The following DACH2 variants were observed in gnomAD, a reference collection of about 807,000 sequenced individuals.
DACH2 encodes dachshund family transcription factor 2.
In DACH2, 17 loss-of-function variants were observed where a neutral mutation model predicts 35.8. The ratio of observed to expected loss-of-function variants is 0.48; its 90% confidence interval spans 0.33 to 0.71. The LOEUF is 0.71. DACH2 is among the 30% of genes least tolerant of loss of function. The pLI is 0.02. For missense variants in DACH2, 469 were observed against 472.7 expected (o/e 0.99, Z 0.07); for synonymous variants, 195 against 177.3 (o/e 1.10, Z -0.79).
intron 7 of DACH2, among the ~76,000 whole-genome samples, chrX:86,741,980 G>GA (rs1299180452): frequency 9.1e-6 from 1 of 110,091 alleles, no homozygotes; most frequent in African/African-American, 3.3e-5. Flanking sequence ...ATAATATATA[G>GA]AAAAAAATAT....
intron 1 of DACH2, among the ~76,000 whole-genome samples, chrX:86,314,451 G>A (rs1008315882): frequency 4.5e-5 from 5 of 110,725 alleles, no homozygotes; most frequent in Non-Finnish European, 7.6e-5. Context: ...CCAGGGGGTC[G>A]AGGCTGCAGT....
chrX:86,150,745 A>G (rs990059733), intron 1 of DACH2, among the ~76,000 whole-genome samples: 5 of 112,152 alleles, frequency 4.5e-5, no homozygotes, highest in Admixed American at 1.9e-4. Flanking sequence ...TATTTCGACT[A>G]CAAAGCATTT....
intron 2 of DACH2, among the ~76,000 whole-genome samples, chrX:86,424,190 C>T (rs968012040): frequency 6.4e-5 from 7 of 110,027 alleles, no homozygotes; most frequent in South Asian, 3.8e-4. Context: ...ATTCTACATA[C>T]GTTTTAGGAT....
At chrX:86,355,017 G>T (rs146980782) in intron 1 of DACH2, among the ~76,000 whole-genome samples, 237 of 111,706 alleles carry the variant, frequency 2.1e-3, no homozygotes, top group African/African-American at 7.4e-3. Flanking sequence ...TGTCACCTAG[G>T]TAATAAGCAT....
chrX:86,372,110 G>A (rs2035895299), intron 1 of DACH2, among the ~76,000 whole-genome samples: 1 of 110,867 alleles, frequency 9.0e-6, no homozygotes, highest in Non-Finnish European at 1.9e-5. Flanking sequence ...TAAATATATA[G>A]CTTCTACTCT....
chrX:86,801,718 A>G (rs1328048948), intron 7 of DACH2, among the ~76,000 whole-genome samples: 2 of 112,120 alleles, frequency 1.8e-5, no homozygotes, highest in Admixed American at 9.4e-5. Context: ...GTTTTCCATG[A>G]TAGAGTCATT....
intron 1 of DACH2, among the ~76,000 whole-genome samples, chrX:86,168,271 C>A (rs1365927431): frequency 4.5e-5 from 5 of 111,572 alleles, no homozygotes. Flanking sequence ...GAATTGACCC[C>A]TTTATCATTA....
At position 86,374,451 on chromosome X, in the gene DACH2, T is replaced by C. The variant is rs985200079; in HGVS notation, c.489-2373T>C. Among the ~76,000 whole-genome samples, 25 of 110,994 alleles carry C rather than the reference T, an allele frequency of 2.3e-4. No homozygotes were observed. In the Admixed American group the frequency reaches 2.3e-3, roughly 10 times the overall value. ...AGTAAGGTTAATCAATGTCCTAATG[T>C]GGTACAATCATGATGATGATTGGAA... On this transcript the variant is annotated intron_variant, in intron 1 of 11. Transcript: ENST00000373125.
chrX:86,751,289 G>C (rs113713449), intron 7 of DACH2, among the ~76,000 whole-genome samples: 1 of 110,541 alleles, frequency 9.0e-6, no homozygotes, highest in African/African-American at 3.3e-5. Flanking sequence ...GATAGAGTAG[G>C]CGTCATCCAC....
chrX:86,395,733 C>T (rs1368094017), intron 2 of DACH2, among the ~76,000 whole-genome samples: 1 of 112,014 alleles, frequency 8.9e-6, no homozygotes, highest in Non-Finnish European at 1.9e-5. Context: ...CTTTTTATGG[C>T]TGCATAGTAT....
chrX:86,498,140 C>T (rs2038198892), intron 2 of DACH2, among the ~76,000 whole-genome samples: 1 of 111,843 alleles, frequency 8.9e-6, no homozygotes, highest in South Asian at 3.7e-4. Context: ...ATTCAGTATT[C>T]ACTCACTGAC....
At chrX:86,425,700 T>C (rs754091614) in intron 2 of DACH2, among the ~76,000 whole-genome samples, 3 of 111,042 alleles carry the variant, frequency 2.7e-5, no homozygotes, top group Non-Finnish European at 5.7e-5. Context: ...ACCTTTATTA[T>C]ATTTAAGGGT....
chrX:86,607,305 C>T (rs548801399), intron 3 of DACH2, among the ~76,000 whole-genome samples: 1 of 111,324 alleles, frequency 9.0e-6, no homozygotes, highest in Middle Eastern at 4.7e-3. Context: ...AGGTAATTCT[C>T]TCTGGCAACA....
chrX:86,651,102 C>T lies in DACH2; in HGVS notation c.707C>T (p.Thr236Ile), dbSNP rs1357618031. Residue 236 changes from threonine to isoleucine, a missense_variant, in exon 4 of 12, where the codon ACT (threonine) becomes ATT (isoleucine). Around this residue, in one of 3 missense-constraint regions of DACH2, gnomAD observed 363 missense variants for 334.4 expected, o/e 1.09. Transcript: ENST00000373125. The stretch of plus-strand genomic sequence containing the variant: ...AAGATGAAGCTTATGGCTATGAACA[C>T]TCTTCAGGGAAATGGAAGCCAAAAT... ...LQKMKLMAMN[T>I]LQGNGSQNGT... The T allele has an allele frequency of 8.3e-7, 1 of 1,207,770 alleles. No individual in the cohort carries two copies. The highest frequency in any genetic ancestry group is 2.2e-5 in the Admixed American group (1 of 45,548).
intron 1 of DACH2, among the ~76,000 whole-genome samples, chrX:86,285,679 T>C (rs1000884528): frequency 8.9e-6 from 1 of 111,905 alleles, no homozygotes; most frequent in African/African-American, 3.2e-5. Context: ...TTATGTTCAT[T>C]CGGCCTATAA....
At chrX:86,667,600 GAAAGAAAGAAAGA>G (rs1556364328) in intron 4 of DACH2, among the ~76,000 whole-genome samples, 14 of 102,163 alleles carry the variant, frequency 1.4e-4, no homozygotes, top group African/African-American at 5.6e-4. Flanking sequence ...AAGAAAGAAA[GAAAGAAAGAAAGA>G]AAGGCAGGCA....
At chrX:86,356,898 A>C (rs1364744768) in intron 1 of DACH2, among the ~76,000 whole-genome samples, 2 of 111,177 alleles carry the variant, frequency 1.8e-5, no homozygotes, top group Non-Finnish European at 3.8e-5. Context: ...ATTTTAGTGC[A>C]CGTATCACTG....
At chrX:86,743,089 C>T (rs189158876) in intron 7 of DACH2, among the ~76,000 whole-genome samples, 2 of 111,467 alleles carry the variant, frequency 1.8e-5, no homozygotes, top group East Asian at 2.8e-4. Context: ...TTTGACAAAA[C>T]TGAGTTGCTG....
At chrX:86,164,501 C>A (rs188090428) in intron 1 of DACH2, among the ~76,000 whole-genome samples, 169 of 111,404 alleles carry the variant, frequency 1.5e-3, no homozygotes, top group African/African-American at 4.8e-3. Context: ...GTCATGAAAT[C>A]TTTGCCCGTT....
Sources: gnomAD v4.1 joint callset for allele counts (sites outside exome capture counted in the v4.1 genomes callset) on GRCh38, gnomAD v4.1.1 for gene constraint, gnomAD v4.1.1 regional missense constraint, MANE v1.5 for transcripts, NCBI Gene and HGNC (gene_info 2026-07-23, HGNC 2026-07-21) for gene names.